HERC4: variants seen among roughly 807,000 people sequenced by gnomAD.
The protein encoded by HERC4 is HECT and RLD domain containing E3 ubiquitin protein ligase 4, also known as probable E3 ubiquitin-protein ligase HERC4.
In HERC4, 28 loss-of-function variants were observed where a neutral mutation model predicts 124.3. The ratio of observed to expected loss-of-function variants is 0.23; its 90% CI spans 0.17 to 0.31. The LOEUF is 0.31. Among genes scored for constraint, HERC4 ranks in the 10% least tolerant of loss-of-function variants. The probability of loss-of-function intolerance (pLI) is 1.00; values close to 1 mark genes in which losing one functional copy is unlikely to be tolerated. For missense variants in HERC4, 713 were observed against 1,229.3 expected (o/e 0.58, Z 6.28); for synonymous variants, 407 against 421.5 (o/e 0.97, Z 0.42).
chr10:67,945,835 G>A (rs1163952750), intron 19 of HERC4, among the ~76,000 whole-genome samples: 5 of 149,056 alleles, frequency 3.4e-5, no homozygotes, highest in African/African-American at 2.5e-5. Flanking sequence ...ACAGATACAC[G>A]AAAAATAAAA....
intron 7 of HERC4, among the ~76,000 whole-genome samples, chr10:68,026,899 C>T (rs917980058): frequency 1.3e-4 from 20 of 151,744 alleles, no homozygotes; most frequent in Non-Finnish European, 1.5e-4. Context: ...CTACTTTGGA[C>T]GCTGAGGCAG....
chr10:68,033,236 T>A (rs923941188), intron 6 of HERC4, among the ~76,000 whole-genome samples: 1 of 152,174 alleles, frequency 6.6e-6, no homozygotes, highest in African/African-American at 2.4e-5. Context: ...AAAAAAAATG[T>A]ACTTTAGGCT....
At chr10:67,981,633 T>A (rs776992115) in intron 15 of HERC4, among the ~76,000 whole-genome samples, 1 of 152,256 alleles carries the variant, frequency 6.6e-6, no homozygotes, top group African/African-American at 2.4e-5. Flanking sequence ...CCATATGTTA[T>A]GTCATAAAAC....
rs540251462 is a variant in HERC4, at chr10:68,014,953, C to T, written c.909-767G>A. Among the ~76,000 whole-genome samples, 13 of 152,340 alleles carry T rather than the reference C, an allele frequency of 8.5e-5. No individual in the cohort carries two copies. The South Asian group carries it at 2.3e-3, about 27-fold the overall frequency. On this transcript the variant is annotated intron_variant, in intron 8 of 24. Transcript: ENST00000373700. ...TTAGATCTTGTCTCTTGCCCTAAAC[C>T]TCTTTGCCATTTGTGGCATATTGTT... is the stretch of plus-strand genomic sequence containing the variant.
chr10:68,011,342 T>C (rs944613207), intron 9 of HERC4, among the ~76,000 whole-genome samples: 4 of 152,240 alleles, frequency 2.6e-5, no homozygotes, highest in Non-Finnish European at 4.4e-5. Flanking sequence ...GTGAATTCTT[T>C]GAAGGTTTTC....
intron 3 of HERC4, among the ~76,000 whole-genome samples, chr10:68,062,714 C>T (rs2041093843): frequency 6.6e-6 from 1 of 151,836 alleles, no homozygotes; most frequent in South Asian, 2.1e-4. Flanking sequence ...GAGCTGGGAT[C>T]GCACCACTGC....
chr10:68,062,476 C>T (rs905016998), intron 3 of HERC4, among the ~76,000 whole-genome samples: 1 of 152,032 alleles, frequency 6.6e-6, no homozygotes, highest in African/African-American at 2.4e-5. Context: ...TACCATCGGC[C>T]GGGCACGGTG....
chr10:68,041,353 A>G (rs1020464051), intron 4 of HERC4, among the ~76,000 whole-genome samples: 1 of 152,174 alleles, frequency 6.6e-6, no homozygotes, highest in African/African-American at 2.4e-5. Flanking sequence ...AAAAAATGAA[A>G]AATTTAGACT....
intron 3 of HERC4, among the ~76,000 whole-genome samples, chr10:68,049,606 A>AAAAAAC (rs2040191410): frequency 6.6e-6 from 1 of 150,920 alleles, no homozygotes; most frequent in Admixed American, 6.6e-5. Context: ...AAAAAAAAAA[A>AAAAAAC]AAAAAAACAC....
chr10:68,020,543 G>T (rs1384383489), intron 8 of HERC4, among the ~76,000 whole-genome samples: 1 of 152,038 alleles, frequency 6.6e-6, no homozygotes, highest in Non-Finnish European at 1.5e-5. Flanking sequence ...GAGGCGGGCA[G>T]ATCACGAGGT....
In HERC4 at chr10:67,938,986, C is replaced by T. The variant is rs139254919; in HGVS notation, c.2571+602G>A. On this transcript the variant is annotated intron_variant, in intron 21 of 24. Coordinates refer to ENST00000373700, the MANE Select transcript of HERC4 (RefSeq NM_015601.4). ...CAAAAAAAACCACATCCCTTTGCTGCCTTAATGAAATTGTGCATCTTTTAC... is the reference window on the plus strand; with the variant it reads ...CAAAAAAAACCACATCCCTTTGCTGTCTTAATGAAATTGTGCATCTTTTAC... Among the ~76,000 whole-genome samples, 469 of 152,178 alleles carry T rather than the reference C, an allele frequency of 3.1e-3. 1 individual carries two copies. Among genetic ancestry groups the T allele is most frequent in the Non-Finnish European group, 4.9e-3 (336 of 67,976 alleles).
chr10:68,060,265 C>A (rs2040935296), intron 3 of HERC4, among the ~76,000 whole-genome samples: 1 of 152,000 alleles, frequency 6.6e-6, no homozygotes, highest in Non-Finnish European at 1.5e-5. Context: ...CTGTGTCACC[C>A]AGACTGGAGT....
intron 9 of HERC4, among the ~76,000 whole-genome samples, chr10:68,007,043 A>T (rs1309316075): frequency 6.6e-6 from 1 of 152,152 alleles, no homozygotes; most frequent in Non-Finnish European, 1.5e-5. Flanking sequence ...CTCTATTATT[A>T]GCTCTTTAAA....
chr10:68,052,031 T>C (rs2040340328), intron 3 of HERC4, among the ~76,000 whole-genome samples: 1 of 152,174 alleles, frequency 6.6e-6, no homozygotes, highest in Non-Finnish European at 1.5e-5. Flanking sequence ...TATCATTGTG[T>C]TCCTATCAGT....
chr10:67,939,733 T>C (rs1564930302), intron 20 of HERC4, 79 bp from the exon 21 acceptor site: 1 of 596,278 alleles, frequency 1.7e-6, no homozygotes, highest in Non-Finnish European at 2.8e-6. Flanking sequence ...TATATATATA[T>C]ATATATACTT....
chr10:67,943,054 A>G lies in HERC4; in HGVS notation c.2338-1949T>C, dbSNP rs558747775. ...TTGGGGGATAATGTTTTTCTTAAGTATTTGTATTTGAATTCTTCATATATT... is the reference window on the plus strand; with the variant it reads ...TTGGGGGATAATGTTTTTCTTAAGTGTTTGTATTTGAATTCTTCATATATT... On this transcript the variant is annotated intron_variant, in intron 19 of 24. Transcript: ENST00000373700. Among the ~76,000 whole-genome samples the G allele has an allele frequency of 1.8e-4, 28 of 152,238 alleles. No individual in the cohort carries two copies. In the South Asian group the frequency reaches 2.1e-3, roughly 11 times the overall value.
intron 9 of HERC4, among the ~76,000 whole-genome samples, chr10:68,011,020 G>A (rs2037920763): frequency 6.6e-6 from 1 of 152,142 alleles, no homozygotes; most frequent in African/African-American, 2.4e-5. Context: ...CATCCATGAA[G>A]GTTGGAATAA....
chr10:67,988,905 G>T, intron 14 of HERC4, 70 bp from the exon 15 acceptor site: 1 of 1,280,232 alleles, frequency 7.8e-7, no homozygotes, highest in Non-Finnish European at 1.1e-6. Context: ...AAATCATACT[G>T]ACTTTTTTTC....
Position 68,016,198 on chromosome 10 carries a change from A to G in HERC4, c.909-2012T>C, listed in dbSNP as rs117214564. ...CTACCTTAAGCTCTAGATTTGATGT[A>G]AGAGCTCGAAAGCACTTCATTATAC... On this transcript the variant is annotated intron_variant, in intron 8 of 24. Transcript: ENST00000373700. Among the ~76,000 whole-genome samples, 293 of 152,270 alleles carry G rather than the reference A, an allele frequency of 1.9e-3. 1 individual carries two copies. The highest frequency in any genetic ancestry group is 3.4e-3 in the Non-Finnish European group (232 of 68,026).
Sources: allele counts gnomAD v4.1 joint callset (sites outside exome capture counted in the v4.1 genomes callset), GRCh38; gene constraint gnomAD v4.1.1; transcripts MANE v1.5; gene names NCBI Gene and HGNC (gene_info 2026-07-23, HGNC 2026-07-21).